ANKRD2: variants seen among roughly 807,000 people sequenced by gnomAD.
ANKRD2 encodes ankyrin repeat domain 2, also known as ankyrin repeat domain-containing protein 2.
A neutral mutation model predicts 37.3 loss-of-function variants in ANKRD2; 35 were observed. The observed-to-expected ratio is 0.94, with a 90% CI of 0.72 to 1.24. ANKRD2 has a LOEUF of 1.24. Ranked by LOEUF, ANKRD2 falls within the 50% of genes most tolerant of loss-of-function variation. The probability of loss-of-function intolerance (pLI) is 0.00; values close to 1 mark genes in which losing one functional copy is unlikely to be tolerated. For synonymous variants in ANKRD2, 159 were observed against 186.5 expected (o/e 0.85, Z 1.20); for missense variants, 410 against 445.6 (o/e 0.92, Z 0.72).
chr10:97,580,952 G>A lies in ANKRD2; in HGVS notation c.554G>A (p.Arg185Gln), dbSNP rs769559735. 17 of 1,584,446 alleles carry A rather than the reference G, an allele frequency of 1.1e-5. No homozygotes were observed. The highest frequency in any genetic ancestry group is 3.5e-5 in the South Asian group (3 of 86,844). ...GGGGCCACTGTGGACTTCCAGGATC[G>A]GGTGAGTGAGAGGGCAGGTATTCAA... Reference protein sequence around the residue: ...DNGATVDFQDRLDCTAMHWAC... With the variant: ...DNGATVDFQDQLDCTAMHWAC... Residue 185 changes from arginine to glutamine, a missense_variant and splice_region_variant, in exon 5 of 9, where the codon CGG becomes CAG. Transcript: ENST00000370655.
At chr10:97,581,544 G>A in intron 6 of ANKRD2, 130 bp downstream of exon 6, 1 of 937,252 alleles carries the variant, frequency 1.1e-6, no homozygotes, top group Non-Finnish European at 1.6e-6. Flanking sequence ...GCAGAGCAGG[G>A]AAGCTAAAAC....
intron 2 of ANKRD2, 152 bp from the exon 3 acceptor site, chr10:97,578,088 C>A: frequency 8.9e-7 from 1 of 1,128,020 alleles, no homozygotes; most frequent in Non-Finnish European, 1.2e-6. Flanking sequence ...TGAGAGCCAT[C>A]TAGGCCTGGA....
At chr10:97,575,429 C>T (rs973135057) in intron 1 of ANKRD2, among the ~76,000 whole-genome samples, 1 of 152,182 alleles carries the variant, frequency 6.6e-6, no homozygotes, top group Non-Finnish European at 1.5e-5. Flanking sequence ...TTCATTCATT[C>T]ACCAGTCACT....
At chr10:97,582,815 C>A in intron 8 of ANKRD2, 113 bp downstream of exon 8, 2 of 873,160 alleles carry the variant, frequency 2.3e-6, no homozygotes, top group Admixed American at 2.0e-5. Flanking sequence ...TTGGCTCTGG[C>A]CAGCACCATA....
rs1050813932 is a variant in ANKRD2 at position 97,579,473 on chromosome 10, A to AT, written c.456+877dup. On this transcript the variant is annotated intron_variant, in intron 4 of 8. Transcript: ENST00000370655. The stretch of plus-strand genomic sequence containing the variant: ...AGGCTTGAACCACCACTCCTGGCCT[A>AT]TTTTTTTTTCATGGTAAAACATAAC... Among the ~76,000 whole-genome samples the AT allele has an allele frequency of 8.8e-5, 13 of 148,464 alleles. No homozygotes were observed. The East Asian group carries it at 1.0e-3, about 11-fold the overall frequency.
intron 4 of ANKRD2, among the ~76,000 whole-genome samples, chr10:97,579,465 C>T (rs933717581): frequency 2.6e-5 from 4 of 151,912 alleles, no homozygotes; most frequent in Non-Finnish European, 4.4e-5. Context: ...AACCACCACT[C>T]CTGGCCTATT....
upstream of ANKRD2, chr10:97,572,523 G>T: frequency 1.4e-6 from 1 of 714,840 alleles, no homozygotes; most frequent in South Asian, 2.0e-5. Flanking sequence ...GCTCAGGACA[G>T]AGGCTGGACG....
At chr10:97,572,937 G>A (rs751710551) in intron 1 of ANKRD2, 62 bp downstream of exon 1, 3 of 1,517,128 alleles carry the variant, frequency 2.0e-6, no homozygotes, top group South Asian at 2.5e-5. Flanking sequence ...CTGTCAAGGG[G>A]AGGGAGATCC....
rs1263102771 is a variant in ANKRD2 at position 97,578,188 on chromosome 10, GC to G, written c.190-46del. On this transcript the variant is annotated intron_variant, in intron 2 of 8. Transcript: ENST00000370655. ...CCAGCTTAGCTCAGAGGTCTCCCAA[GC>G]CCCCCAAACTCTCTGCCCGGCCTGG... is the stretch of plus-strand genomic sequence containing the variant. 8.0e-6 allele frequency: 8 copies of G among 995,958 alleles called. No homozygotes were observed. The East Asian group carries it at 4.4e-4, about 54-fold the overall frequency. The allele number at this position is 995,958 out of a possible 1,614,324, so 61.7% of individuals were successfully genotyped here. A position where few individuals can be genotyped will look rare whatever the true frequency, so the allele number is the denominator to read the frequency against.
Position 97,583,639 on chromosome 10 carries a change from C to G in ANKRD2, c.916C>G (p.His306Asp), listed in dbSNP as rs1342830927. 1 of 1,606,436 alleles carries G rather than the reference C, an allele frequency of 6.2e-7. No individual in the cohort carries two copies. Among genetic ancestry groups the G allele is most frequent in the Non-Finnish European group, 8.5e-7 (1 of 1,176,960 alleles). ...WQADTRHALE[H>D]PEPGAEHNGL... ...GGCTGATACCCGGCACGCCCTGGAG[C>G]ATCCTGAGCCGGGGGCTGAGCATAA... Residue 306 changes from histidine to aspartate, a missense_variant, in exon 9 of 9, where the codon CAT (histidine) becomes GAT (aspartate). His to Asp is a moderately conservative substitution (Grantham distance 81). Coordinates refer to ENST00000370655, the MANE Select transcript of ANKRD2 (RefSeq NM_001346793.2).
chr10:97,572,982 T>C, intron 1 of ANKRD2, 107 bp downstream of exon 1: 1 of 1,417,022 alleles, frequency 7.1e-7, no homozygotes, highest in African/African-American at 1.4e-5. Flanking sequence ...GGGGGGCAGA[T>C]GTCCCCAGGG....
At position 97,578,526 on chromosome 10, in the gene ANKRD2, T is replaced by C; in HGVS notation, c.377T>C (p.Leu126Pro). 3.2e-6 allele frequency: 5 copies of C among 1,579,418 alleles called. No individual in the cohort carries two copies. The highest frequency in any genetic ancestry group is 3.4e-6 in the Non-Finnish European group (4 of 1,162,288). The change falls in exon 4 of 9, where the codon CTG becomes CCG. Residue 126 changes from leucine to proline, a missense_variant. Physicochemically the swap from Leu to Pro is moderately conservative, Grantham distance 98 (BLOSUM62 -3). Coordinates refer to ENST00000370655, the MANE Select transcript of ANKRD2 (RefSeq NM_001346793.2). Reference sequence around the variant, plus strand: ...GGCCCTGTGGATGAGGAGACCTTCCTGAAAGCTGCGGTGGAGGGGAAAATG... The same window carrying C: ...GGCCCTGTGGATGAGGAGACCTTCCCGAAAGCTGCGGTGGAGGGGAAAATG... ...ITGPVDEETFLKAAVEGKMKV... is the reference protein window; with the variant it reads ...ITGPVDEETFPKAAVEGKMKV...
Position 97,578,617 on chromosome 10 carries a change from A to AGCCGCCCCTGACCAGCCTCCCTGTCAGTT in ANKRD2, c.456+16_456+44dup. On this transcript the variant is annotated intron_variant, in intron 4 of 8. Transcript: ENST00000370655. ...ACACGTGCGACCAGGTGATGCTCCT[A>AGCCGCCCCTGACCAGCCTCCCTGTCAGTT]GCCGCCCCTGACCAGCCTCCCTGTC... 1 of 1,542,348 alleles carries AGCCGCCCCTGACCAGCCTCCCTGTCAGTT rather than the reference A, an allele frequency of 6.5e-7. No individual in the cohort carries two copies.
At chr10:97,575,286 A>T (rs1271045169) in intron 1 of ANKRD2, among the ~76,000 whole-genome samples, 3 of 152,086 alleles carry the variant, frequency 2.0e-5, no homozygotes, top group Non-Finnish European at 4.4e-5. Context: ...CCAGGGTGGG[A>T]GGGGAAAGAG....
At chr10:97,583,460 T>C (rs996058338) in intron 8 of ANKRD2, 116 bp from the exon 9 acceptor site, 2 of 996,142 alleles carry the variant, frequency 2.0e-6, no homozygotes, top group Admixed American at 3.0e-5. Flanking sequence ...ACAATGCCAG[T>C]TGCCCCCATT....
At position 97,578,273 on chromosome 10, in the gene ANKRD2, C is replaced by T. The variant is rs2040851526; in HGVS notation, c.223C>T (p.Leu75=). 2 of 1,612,870 alleles carry T rather than the reference C, an allele frequency of 1.2e-6. No individual in the cohort carries two copies. ...GCGCGTGCGCAAGACGTCCCTGGAC[C>T]TGCGGCGGGAGATCATCGATGTGGG... The part of the protein sequence containing the change: ...QERVRKTSLD[L]RREIIDVGGI... Residue 75 remains leucine, a synonymous_variant, in exon 3 of 9, where the codon CTG becomes TTG. Transcript: ENST00000370655.
Position 97,582,466 on chromosome 10 carries a change from C to T in ANKRD2, c.753+53C>T, listed in dbSNP as rs571469962. ...CCGCCATGGGTGTGTGGGCAGCCTG[C>T]GGGCCCCTACAGGTGGTGTCCTTCC... On this transcript the variant is annotated intron_variant, in intron 7 of 8. Coordinates refer to ENST00000370655, the MANE Select transcript of ANKRD2 (RefSeq NM_001346793.2). The T allele has an allele frequency of 1.6e-4, 249 of 1,589,200 alleles. 3 individuals carry two copies. The South Asian group carries it at 2.6e-3, about 17-fold the overall frequency.
intron 5 of ANKRD2, among the ~76,000 whole-genome samples, 170 bp from the exon 6 acceptor site, chr10:97,581,146 C>G (rs1052942632): frequency 3.9e-5 from 6 of 152,188 alleles, no homozygotes; most frequent in African/African-American, 1.4e-4. Context: ...CTGGCTTGGA[C>G]CAGATGGGCC....
chr10:97,579,173 AT>A (rs200455140), intron 4 of ANKRD2, among the ~76,000 whole-genome samples: 4,776 of 144,112 alleles, frequency 0.033, 144 homozygotes, highest in African/African-American at 0.085. Flanking sequence ...AAAGATATAG[AT>A]TTTTTTTTTT....
Sources: allele counts gnomAD v4.1 joint callset (sites outside exome capture counted in the v4.1 genomes callset), GRCh38; gene constraint gnomAD v4.1.1; transcripts MANE v1.5; gene names NCBI Gene and HGNC (gene_info 2026-07-23, HGNC 2026-07-21).